The following ZNF217 variants were observed in gnomAD, a reference collection of about 807,000 sequenced individuals.
ZNF217 encodes the protein zinc finger protein 217.
ZNF217 carries 12 observed loss-of-function variants against 73.3 expected under a neutral mutation model. That is an observed-to-expected ratio of 0.16 (90% CI 0.10 to 0.27). ZNF217 has a LOEUF of 0.27. ZNF217 is among the 10% of genes least tolerant of loss of function. ZNF217 has a pLI of 1.00. For synonymous variants in ZNF217, 588 were observed against 516.4 expected (o/e 1.14, Z -1.88); for missense variants, 1,195 against 1,327.8 (o/e 0.90, Z 1.55).
chr20:53,569,583 C>A (rs576658533), intron 5 of ZNF217, among the ~76,000 whole-genome samples: 1 of 152,256 alleles, frequency 6.6e-6, no homozygotes, highest in East Asian at 1.9e-4. Flanking sequence ...AGGGTTTCAC[C>A]ATGTTGGCCA....
upstream of ZNF217, among the ~76,000 whole-genome samples, chr20:53,594,158 G>T (rs1988990705): frequency 6.6e-6 from 1 of 151,600 alleles, no homozygotes; most frequent in Non-Finnish European, 1.5e-5. Context: ...GGGGGCAAAG[G>T]CGCGGGCGCC....
In ZNF217 at chr20:53,593,746, C is replaced by A. The variant is rs1356532488; in HGVS notation, c.-343+10G>T. ...CCGGCTGGCGCGGGCGGGGGGCGCG[C>A]CCCCTTTACCTGCGGCTCCGGCTCC... On this transcript the variant is annotated intron_variant, in intron 1 of 5. Transcript: ENST00000371471. The A allele has an allele frequency of 6.6e-6, 1 of 150,770 alleles. No homozygotes were observed. The highest frequency in any genetic ancestry group is 1.5e-5 in the Non-Finnish European group (1 of 67,584). The allele number at this position is 150,770 out of a possible 1,614,324, so 9.3% of individuals were successfully genotyped here. A position where few individuals can be genotyped will look rare whatever the true frequency, so the allele number is the denominator to read the frequency against.
At chr20:53,569,974 G>C (rs758695047) in intron 5 of ZNF217, among the ~76,000 whole-genome samples, 3 of 152,046 alleles carry the variant, frequency 2.0e-5, no homozygotes, top group Non-Finnish European at 4.4e-5. Context: ...AGCTGGTCCA[G>C]AGGATGAGAA....
At chr20:53,579,589 G>C (rs1988411928) in intron 2 of ZNF217, among the ~76,000 whole-genome samples, 1 of 152,128 alleles carries the variant, frequency 6.6e-6, no homozygotes, top group South Asian at 2.1e-4. Context: ...CTATGTGTCA[G>C]GATTTATGGT....
upstream of ZNF217, among the ~76,000 whole-genome samples, chr20:53,596,671 A>C (rs1192178366): frequency 6.6e-6 from 1 of 152,198 alleles, no homozygotes; most frequent in Non-Finnish European, 1.5e-5. Context: ...ATACTGCACA[A>C]AGTGAAAATT....
chr20:53,582,979 T>C lies in ZNF217; in HGVS notation c.-153A>G, dbSNP rs958876781. On this transcript the variant is annotated 5_prime_UTR_variant, in exon 2 of 6. Coordinates refer to ENST00000371471, the MANE Select transcript of ZNF217 (RefSeq NM_006526.3). The surrounding 1 kb of genome is among the most constrained non-coding windows in gnomAD (Gnocchi z 4.8). ...AGAAAGTGTATAGTCCTCTAACTTC[T>C]TCGAACTTTTAGGAAGCTCAGTGAT... is the stretch of plus-strand genomic sequence containing the variant. 9 of 784,008 alleles carry C rather than the reference T, an allele frequency of 1.1e-5. No individual in the cohort carries two copies. The highest frequency in any genetic ancestry group is 5.5e-5 in the East Asian group (2 of 36,322). The allele number at this position is 784,008 out of a possible 1,614,324, so 48.6% of individuals were successfully genotyped here. A position where few individuals can be genotyped will look rare whatever the true frequency, so the allele number is the denominator to read the frequency against.
chr20:53,573,167 G>A (rs1292260019), intron 4 of ZNF217, among the ~76,000 whole-genome samples: 1 of 150,998 alleles, frequency 6.6e-6, no homozygotes, highest in African/African-American at 2.4e-5. Flanking sequence ...CTGTCGCCCA[G>A]GCTGGAGTGC....
rs1315465172 is a variant in ZNF217, at chr20:53,582,529, C to T, written c.298G>A (p.Val100Ile). ...AGCGGACTGAGATACTCTGCTTCAA[C>T]CCGAAGAACTGCTGGTTCACAGAGG... is the stretch of plus-strand genomic sequence containing the variant. The part of the protein sequence containing the change: ...PTLCEPAVLR[V>I]EAEYLSPLDK... Residue 100 changes from valine (V) to isoleucine (I), a missense_variant, in exon 2 of 6, where the codon GTT becomes ATT. Around this residue, in one of 9 missense-constraint regions of ZNF217, gnomAD observed 147 missense variants for 184.3 expected, o/e 0.80. Coordinates refer to ENST00000371471, the MANE Select transcript of ZNF217 (RefSeq NM_006526.3). The surrounding 1 kb of genome is among the most constrained non-coding windows in gnomAD (Gnocchi z 4.8). 6.2e-7 allele frequency: 1 copy of T among 1,614,188 alleles called. No individual in the cohort carries two copies. The highest frequency in any genetic ancestry group is 8.5e-7 in the Non-Finnish European group (1 of 1,180,044).
In ZNF217 at chr20:53,586,708, G is replaced by A. The variant is rs1293608435; in HGVS notation, c.-342-3540C>T. ...TTAAAGTGGTTGTAACAATAAAGACGTTAATAACAGAATACAGCAAAATAG... is the reference window on the plus strand; with the variant it reads ...TTAAAGTGGTTGTAACAATAAAGACATTAATAACAGAATACAGCAAAATAG... On this transcript the variant is annotated intron_variant, in intron 1 of 5. Transcript: ENST00000371471. Among the ~76,000 whole-genome samples, 11 of 152,186 alleles carry A rather than the reference G, an allele frequency of 7.2e-5. No individual in the cohort carries two copies. The East Asian group carries it at 1.7e-3, about 24-fold the overall frequency.
rs879727291 is a variant in ZNF217 at position 53,588,639 on chromosome 20, C to CA, written c.-343+5116dup. Among the ~76,000 whole-genome samples the CA allele has an allele frequency of 3.1e-3, 468 of 150,270 alleles. 2 individuals carry two copies. Among genetic ancestry groups the CA allele is most frequent in the Non-Finnish European group, 5.3e-3 (358 of 67,448 alleles). On this transcript the variant is annotated intron_variant, in intron 1 of 5. Coordinates refer to ENST00000371471, the MANE Select transcript of ZNF217 (RefSeq NM_006526.3). ...ATATATATATATACACACACACACA[C>CA]AACTATGCCCACTACTAGACCACTA...
chr20:53,576,724 C>T lies in ZNF217; in HGVS notation c.2040G>A (p.Val680=). 1 of 1,614,188 alleles carries T rather than the reference C, an allele frequency of 6.2e-7. No individual in the cohort carries two copies. Among genetic ancestry groups the T allele is most frequent in the Non-Finnish European group, 8.5e-7 (1 of 1,180,036 alleles). Residue 680 remains valine, a synonymous_variant, in exon 4 of 6, where the codon GTG becomes GTA. Transcript: ENST00000371471. ...AATTTAAAGGTTTTTCGTGACAATC[C>T]ACACTTGGCCTGTATCTGCAGTCAG... ...TAADCRYRPS[V]DCHEKPLNLS...
At position 53,582,219 on chromosome 20, in the gene ZNF217, A is replaced by G; in HGVS notation, c.608T>C (p.Val203Ala). Residue 203 changes from valine to alanine, a missense_variant, in exon 2 of 6, where the codon GTC becomes GCC. By Grantham distance (64) the Val-to-Ala change is moderately conservative (BLOSUM62 0). This residue lies in a region of ZNF217 where 126 missense variants were observed against 114.4 expected (regional missense o/e 1.10). Coordinates refer to ENST00000371471, the MANE Select transcript of ZNF217 (RefSeq NM_006526.3). This position sits in a 1 kb window ranked among gnomAD's most constrained non-coding sequence, Gnocchi z 4.8. The stretch of plus-strand genomic sequence containing the variant: ...GATGCTCTCGGCCGCGTGCACCTGG[A>G]CGACCTCGTTGATCGTTGCTGGACT... ...ESSPATINEV[V>A]QVHAAESISS... 5.6e-6 allele frequency: 9 copies of G among 1,614,064 alleles called. No individual in the cohort carries two copies. The highest frequency in any genetic ancestry group is 7.6e-6 in the Non-Finnish European group (9 of 1,180,034).
chr20:53,571,927 C>A, intron 4 of ZNF217, 74 bp from the exon 5 acceptor site: 1 of 1,457,312 alleles, frequency 6.9e-7, no homozygotes, highest in South Asian at 1.4e-5. Flanking sequence ...TTTTAGAAGT[C>A]AATTTTCAAA....
chr20:53,575,613 T>C, intron 4 of ZNF217, 114 bp downstream of exon 4: 1 of 1,056,796 alleles, frequency 9.5e-7, no homozygotes, highest in Non-Finnish European at 1.3e-6. Context: ...CCCCAAGAAC[T>C]TCTGGCTGCC....
intron 2 of ZNF217, 23 bp from the exon 3 acceptor site, chr20:53,578,473 TTA>T (rs756287896): frequency 1.8e-5 from 27 of 1,468,600 alleles, no homozygotes; most frequent in Admixed American, 1.1e-4. Context: ...ACAAAAATAT[TTA>T]TATAAGAAGG....
intron 1 of ZNF217, among the ~76,000 whole-genome samples, chr20:53,583,761 T>G (rs1478842607): frequency 6.6e-6 from 1 of 152,238 alleles, no homozygotes; most frequent in Non-Finnish European, 1.5e-5. Flanking sequence ...AAGAAATACT[T>G]AACACCTCAG....
chr20:53,570,801 G>C (rs549146864), intron 5 of ZNF217, among the ~76,000 whole-genome samples: 11 of 152,274 alleles, frequency 7.2e-5, no homozygotes, highest in African/African-American at 2.6e-4. Flanking sequence ...TCTTAAACTA[G>C]AACGTTGGGC....
In ZNF217 at chr20:53,581,945, G is replaced by A. The variant is rs781732495; in HGVS notation, c.882C>T (p.Thr294=). ...TAGCCAGCTGCCAAGCCTGGAAGGT[G>A]GTGAACGGATCGAGCTGAGGGATGC... The part of the protein sequence containing the change: ...VRCIPQLDPF[T]TFQAWQLATK... The change falls in exon 2 of 6, where the codon ACC becomes ACT. Residue 294 remains threonine (T), a synonymous_variant. Coordinates refer to ENST00000371471, the MANE Select transcript of ZNF217 (RefSeq NM_006526.3). This position sits in a 1 kb window ranked among gnomAD's most constrained non-coding sequence, Gnocchi z 4.9. The A allele has an allele frequency of 6.2e-7, 1 of 1,614,236 alleles. No homozygotes were observed. The highest frequency in any genetic ancestry group is 8.5e-7 in the Non-Finnish European group (1 of 1,180,034).
At position 53,569,275 on chromosome 20, in the gene ZNF217, C is replaced by A. The variant is rs4602270; in HGVS notation, c.*24-11G>T. On this transcript the variant is annotated splice_polypyrimidine_tract_variant and intron_variant, in intron 5 of 5. Coordinates refer to ENST00000371471, the MANE Select transcript of ZNF217 (RefSeq NM_006526.3). ...GACATCCACCAAGACCTAAGGAAAA[C>A]AACATTTTTTAAATGATTAAGATCA... is the stretch of plus-strand genomic sequence containing the variant. 0.7 allele frequency: 901,463 copies of A among 1,295,144 alleles called. 315,370 individuals are homozygous for A. Among genetic ancestry groups the A allele is most frequent in the African/African-American group, 0.83 (53,651 of 64,656 alleles). The allele number at this position is 1,295,144 out of a possible 1,614,324, so 80.2% of individuals were successfully genotyped here. A position where few individuals can be genotyped will look rare whatever the true frequency, so the allele number is the denominator to read the frequency against.
Sources: gnomAD v4.1 joint callset for allele counts (sites outside exome capture counted in the v4.1 genomes callset) on GRCh38, gnomAD v4.1.1 for gene constraint, gnomAD v4.1.1 regional missense constraint, Gnocchi (gnomAD v3.1) non-coding constraint, MANE v1.5 for transcripts, NCBI Gene and HGNC (gene_info 2026-07-23, HGNC 2026-07-21) for gene names.